Variants in ZPLD1 observed in about 807,000 individuals in gnomAD.
ZPLD1 encodes the protein zona pellucida-like domain-containing protein 1.
In ZPLD1, 34 loss-of-function variants were observed where a neutral mutation model predicts 47.2. That is an observed-to-expected ratio of 0.72 (90% CI 0.55 to 0.96). The LOEUF is 0.96. Ranked by LOEUF, ZPLD1 falls within the 40% of genes least tolerant of loss-of-function variation. The pLI, the probability that ZPLD1 is intolerant of heterozygous loss-of-function variation, is 0.00. For missense variants in ZPLD1, 512 were observed against 505.8 expected, an observed-to-expected ratio of 1.01 and a Z score of -0.12; for synonymous variants, 176 against 186.2, an observed-to-expected ratio of 0.95 and a Z score of 0.45.
chr3:102,461,478 A>G (rs1576162064), intron 6 of ZPLD1, among the ~76,000 whole-genome samples: 1 of 152,036 alleles, frequency 6.6e-6, no homozygotes, highest in Non-Finnish European at 1.5e-5. Context: ...GTAGAAAAGT[A>G]AAAATGAAGT....
intron 1 of ZPLD1, among the ~76,000 whole-genome samples, chr3:102,435,896 C>A (rs1707083966): frequency 6.6e-6 from 1 of 152,222 alleles, no homozygotes; most frequent in Admixed American, 6.5e-5. Flanking sequence ...CCCGCCTCGG[C>A]CTCCCAGAGT....
intron 9 of ZPLD1, 36 bp downstream of exon 9, chr3:102,469,171 A>G: frequency 6.3e-7 from 1 of 1,593,618 alleles, no homozygotes; most frequent in Non-Finnish European, 8.5e-7. Flanking sequence ...AAGTTGTTGA[A>G]TTGATCTAAG....
intron 3 of ZPLD1, among the ~76,000 whole-genome samples, chr3:102,441,355 G>T (rs1047360308): frequency 3.9e-5 from 6 of 152,168 alleles, no homozygotes; most frequent in African/African-American, 1.4e-4. Flanking sequence ...ATATGGGCTA[G>T]TTGTTAAAAG....
chr3:102,437,033 G>A (rs1466903435), intron 2 of ZPLD1, 60 bp downstream of exon 2: 2 of 720,006 alleles, frequency 2.8e-6, no homozygotes, highest in African/African-American at 3.8e-5. Flanking sequence ...GTCTTCCAAA[G>A]ACTCCAAAAG....
At chr3:102,394,067 C>A (rs905643962) in intron 7 of ZPLD1, among the ~76,000 whole-genome samples, 2 of 152,064 alleles carry the variant, frequency 1.3e-5, no homozygotes, top group Admixed American at 6.6e-5. Flanking sequence ...AGTGAAAAAC[C>A]TTTTAGAACC....
At chr3:102,438,620 A>C (rs1356621961) in intron 3 of ZPLD1, 27 bp downstream of exon 3, 1 of 1,544,106 alleles carries the variant, frequency 6.5e-7, no homozygotes, top group Non-Finnish European at 8.9e-7. Flanking sequence ...TCTATTCTCT[A>C]GTTGTTTCTG....
chr3:102,397,773 A>G (rs112605088), intron 7 of ZPLD1, among the ~76,000 whole-genome samples: 7 of 152,182 alleles, frequency 4.6e-5, no homozygotes, highest in Non-Finnish European at 7.4e-5. Flanking sequence ...TCTTAATGCA[A>G]TTATCGCAGT....
chr3:102,412,029 C>A (rs146220761), intron 7 of ZPLD1, among the ~76,000 whole-genome samples: 73 of 151,800 alleles, frequency 4.8e-4, no homozygotes, highest in African/African-American at 1.7e-3. Context: ...CTTGAAATTG[C>A]AGCAGGTGGG....
chr3:102,439,336 A>G (rs998875727), intron 3 of ZPLD1, among the ~76,000 whole-genome samples: 4 of 152,240 alleles, frequency 2.6e-5, no homozygotes, highest in South Asian at 2.1e-4. Context: ...GGAGCATGCT[A>G]TGAAACAGCA....
At chr3:102,387,850 CTTTT>C (rs1023132648) in intron 6 of ZPLD1, among the ~76,000 whole-genome samples, 1 of 80,626 alleles carries the variant, frequency 1.2e-5, no homozygotes, top group African/African-American at 4.9e-5. Flanking sequence ...CTGAGAAATT[CTTTT>C]TTTTTTTTTT....
rs1707222710 is a variant in ZPLD1 at position 102,444,218 on chromosome 3, A to AGC, written c.106+5626_106+5627dup. Among the ~76,000 whole-genome samples the AGC allele has an allele frequency of 3.3e-5, 5 of 152,326 alleles. 1 individual carries two copies. The South Asian group carries it at 1.0e-3, about 32-fold the overall frequency. On this transcript the variant is annotated intron_variant, in intron 3 of 11. Transcript: ENST00000466937. Reference sequence around the variant, plus strand: ...ACTTTTCTGGTTCCAAAGAATGTGGAGCAGCAAGTGTGATTATAAGTCTGC... The same window carrying AGC: ...ACTTTTCTGGTTCCAAAGAATGTGGAGCGCAGCAAGTGTGATTATAAGTCTGC...
intron 7 of ZPLD1, among the ~76,000 whole-genome samples, chr3:102,393,030 G>T (rs1706514868): frequency 1.3e-5 from 2 of 151,902 alleles, no homozygotes; most frequent in Non-Finnish European, 2.9e-5. Flanking sequence ...ACATGTATCT[G>T]GTACGTCTAT....
chr3:102,455,217 A>C (rs1187012905), intron 4 of ZPLD1, among the ~76,000 whole-genome samples: 1 of 152,244 alleles, frequency 6.6e-6, no homozygotes, highest in Admixed American at 6.5e-5. Flanking sequence ...GTAATATAGT[A>C]GTATCTGCTC....
intron 8 of ZPLD1, among the ~76,000 whole-genome samples, chr3:102,418,720 G>T (rs1269877593): frequency 1.3e-5 from 2 of 152,006 alleles, no homozygotes; most frequent in Non-Finnish European, 2.9e-5. Flanking sequence ...AAGCTGGCTA[G>T]ATATGTGTGG....
intron 3 of ZPLD1, among the ~76,000 whole-genome samples, chr3:102,444,116 TA>T (rs1328448741): frequency 3.3e-5 from 5 of 152,264 alleles, no homozygotes; most frequent in African/African-American, 1.2e-4. Context: ...CAGCATTCTT[TA>T]TTGCATGAAT....
intron 4 of ZPLD1, among the ~76,000 whole-genome samples, chr3:102,454,805 G>A (rs1001433615): frequency 1.3e-5 from 2 of 152,100 alleles, no homozygotes; most frequent in African/African-American, 2.4e-5. Flanking sequence ...GCAGTGAGCC[G>A]AGATTACACA....
chr3:102,391,711 A>T (rs1311118344), intron 6 of ZPLD1, among the ~76,000 whole-genome samples: 1 of 152,110 alleles, frequency 6.6e-6, no homozygotes, highest in African/African-American at 2.4e-5. Flanking sequence ...CAGCAGTCAG[A>T]TATCCCCACT....
chr3:102,424,602 C>T (rs754991716), intron 8 of ZPLD1, among the ~76,000 whole-genome samples: 2 of 152,076 alleles, frequency 1.3e-5, no homozygotes, highest in Non-Finnish European at 2.9e-5. Context: ...TGGGGAGATT[C>T]GGCCCATGGG....
chr3:102,460,370 T>C (rs1318105675), intron 6 of ZPLD1, among the ~76,000 whole-genome samples: 1 of 152,020 alleles, frequency 6.6e-6, no homozygotes, highest in Non-Finnish European at 1.5e-5. Context: ...GTAAGTATAC[T>C]GAGGGGAAAT....
Sources: allele counts gnomAD v4.1 joint callset (sites outside exome capture counted in the v4.1 genomes callset), GRCh38; gene constraint gnomAD v4.1.1; transcripts MANE v1.5; gene names NCBI Gene and HGNC (gene_info 2026-07-23, HGNC 2026-07-21).